The following ATG3 variants were observed in gnomAD, a reference collection of about 807,000 sequenced individuals.
The protein encoded by ATG3 is autophagy related 3, also known as ubiquitin-like-conjugating enzyme ATG3.
In ATG3, 25 loss-of-function variants were observed where a neutral mutation model predicts 50.7. The observed-to-expected ratio is 0.49, with a 90% CI of 0.36 to 0.69. The LOEUF (loss-of-function observed/expected upper bound fraction) is 0.69. Ranked by LOEUF, ATG3 falls within the 30% of genes least tolerant of loss-of-function variation. The probability of loss-of-function intolerance (pLI) is 0.00; values close to 1 mark genes in which losing one functional copy is unlikely to be tolerated. For synonymous variants in ATG3, 119 were observed against 125.5 expected, an observed-to-expected ratio of 0.95 and a Z score of 0.34; for missense variants, 281 against 376.0, an observed-to-expected ratio of 0.75 and a Z score of 2.09.
At chr3:112,553,163 G>T in intron 3 of ATG3, 117 bp downstream of exon 3, 1 of 817,654 alleles carries the variant, frequency 1.2e-6, no homozygotes, top group Non-Finnish European at 2.0e-6. Flanking sequence ...AGAATCTGCT[G>T]GGGGGAAAGT....
rs553534171 is a variant in ATG3 at position 112,561,612 on chromosome 3, G to A, written c.-84C>T. 1.4e-6 allele frequency: 2 copies of A among 1,381,068 alleles called. No individual in the cohort carries two copies. The highest frequency in any genetic ancestry group is 1.0e-6 in the Non-Finnish European group (1 of 1,004,712). 85.6% of individuals were successfully genotyped at this position (1,381,068 alleles called of 1,614,324 possible). On this transcript the variant is annotated 5_prime_UTR_variant, in exon 1 of 12. Coordinates refer to ENST00000283290, the MANE Select transcript of ATG3 (RefSeq NM_022488.5). The stretch of plus-strand genomic sequence containing the variant: ...GGCCAGGGAGTCAGAAAATGTCCTC[G>A]CTGCCACCGACTCGCATCAGCACCC...
At chr3:112,537,656 T>C in intron 9 of ATG3, 79 bp downstream of exon 9, 1 of 1,111,294 alleles carries the variant, frequency 9.0e-7, no homozygotes, top group Non-Finnish European at 1.2e-6. Flanking sequence ...CAATAAATAC[T>C]CATGGACCTA....
At chr3:112,536,068 C>T (rs1163605220) in intron 10 of ATG3, 1 of 167,172 alleles carries the variant, frequency 6.0e-6, no homozygotes, top group East Asian at 1.7e-4. Flanking sequence ...AAATAGGTCA[C>T]CTAGAAAAAT....
Position 112,561,637 on chromosome 3 carries a change from C to T in ATG3, c.-109G>A. ...GCTGCCACCGACTCGCATCAGCACC[C>T]GGCTGGCAGCACCCGAGGGGACGGG... On this transcript the variant is annotated 5_prime_UTR_variant, in exon 1 of 12. Coordinates refer to ENST00000283290, the MANE Select transcript of ATG3 (RefSeq NM_022488.5). 2 of 1,140,588 alleles carry T rather than the reference C, an allele frequency of 1.8e-6. No homozygotes were observed. Among genetic ancestry groups the T allele is most frequent in the Non-Finnish European group, 2.5e-6 (2 of 801,808 alleles). The allele number at this position is 1,140,588 out of a possible 1,614,324, so 70.7% of individuals were successfully genotyped here.
chr3:112,544,197 TCA>T, intron 5 of ATG3, 91 bp from the exon 6 acceptor site: 1 of 1,067,020 alleles, frequency 9.4e-7, no homozygotes, highest in South Asian at 1.5e-5. Context: ...CTGAAAATTC[TCA>T]CAATTTCTCT....
At chr3:112,542,131 T>TAC (rs1933250087) in intron 6 of ATG3, among the ~76,000 whole-genome samples, 1 of 143,884 alleles carries the variant, frequency 7.0e-6, no homozygotes, top group African/African-American at 2.8e-5. Flanking sequence ...ATCTAAGCTA[T>TAC]TTAAAAATAA....
chr3:112,549,139 T>G (rs1933456467), intron 4 of ATG3, among the ~76,000 whole-genome samples: 1 of 152,202 alleles, frequency 6.6e-6, no homozygotes, highest in Non-Finnish European at 1.5e-5. Context: ...TAAAACAGTT[T>G]AAAATTCACC....
rs2082565118 is a variant in ATG3, at chr3:112,532,753, T to C, written c.891A>G (p.Val297=). The change falls in exon 12 of 12, where the codon GTA becomes GTG. Residue 297 remains valine, a synonymous_variant. Coordinates refer to ENST00000283290, the MANE Select transcript of ATG3 (RefSeq NM_022488.5). Reference sequence around the variant, plus strand: ...ATTCTATTGTTGGAATGACAGCTTGTACAAATTTCAAGAAAATAAGAAGAT... The same window carrying C: ...ATTCTATTGTTGGAATGACAGCTTGCACAAATTTCAAGAAAATAAGAAGAT... ...HMYLLIFLKF[V]QAVIPTIEYD... 6.3e-7 allele frequency: 1 copy of C among 1,599,606 alleles called. No individual in the cohort carries two copies. Among genetic ancestry groups the C allele is most frequent in the African/African-American group, 1.3e-5 (1 of 74,578 alleles).
intron 5 of ATG3, among the ~76,000 whole-genome samples, chr3:112,547,119 TC>T (rs1933390187): frequency 6.6e-6 from 1 of 152,114 alleles, no homozygotes. Context: ...CAGCAATTTT[TC>T]CCCCAACAGA....
intron 5 of ATG3, among the ~76,000 whole-genome samples, chr3:112,544,658 G>GAGAAAAAAAAAAAA (rs1553738120): frequency 1.6e-5 from 1 of 64,100 alleles, no homozygotes; most frequent in African/African-American, 4.2e-5. Flanking sequence ...CCGTCTCAGG[G>GAGAAAAAAAAAAAA]AAAAAAAAAA....
chr3:112,548,763 T>G, intron 4 of ATG3, 123 bp from the exon 5 acceptor site: 1 of 758,500 alleles, frequency 1.3e-6, no homozygotes, highest in Non-Finnish European at 2.2e-6. Flanking sequence ...TAAGTGAATA[T>G]TTCACTTTTA....
At chr3:112,557,509 T>C (rs1013204728) in intron 2 of ATG3, among the ~76,000 whole-genome samples, 12 of 152,108 alleles carry the variant, frequency 7.9e-5, no homozygotes, top group African/African-American at 2.7e-4. Flanking sequence ...TCCCAGCTAC[T>C]TGGGAGGCTG....
Position 112,537,793 on chromosome 3 carries a change from T to C in ATG3, c.608A>G (p.Tyr203Cys). 1 of 1,611,926 alleles carries C rather than the reference T, an allele frequency of 6.2e-7. No individual in the cohort carries two copies. The highest frequency in any genetic ancestry group is 8.5e-7 in the Non-Finnish European group (1 of 1,179,350). Residue 203 changes from tyrosine (Y) to cysteine (C), a missense_variant, in exon 9 of 12, where the codon TAC (tyrosine) becomes TGC (cysteine). Transcript: ENST00000283290. Reference sequence around the variant, plus strand: ...CTGGTAATATTTATCATAAGTGATGTAAAGGTCATAAGTTCTGGTTTGCAA... The same window carrying C: ...CTGGTAATATTTATCATAAGTGATGCAAAGGTCATAAGTTCTGGTTTGCAA... ...AILQTRTYDL[Y>C]ITYDKYYQTP...
rs377190061 is a variant in ATG3 at position 112,561,172 on chromosome 3, C to A, written c.72+285G>T. 5.3e-5 allele frequency among the ~76,000 whole-genome samples: 8 copies of A among 152,300 alleles called. No homozygotes were observed. In the East Asian group the frequency reaches 1.5e-3, roughly 29 times the overall value. On this transcript the variant is annotated intron_variant, in intron 1 of 11. Transcript: ENST00000283290. ...ATTTAACGTTCTTCAATCTACTCAG[C>A]CTCCGAACACCCTTCCAACCCGACG...
intron 5 of ATG3, among the ~76,000 whole-genome samples, chr3:112,546,845 G>T (rs536094930): frequency 6.6e-6 from 1 of 152,256 alleles, no homozygotes; most frequent in South Asian, 2.1e-4. Context: ...TGGGGCGGGG[G>T]GAAAGAAGGA....
intron 4 of ATG3, among the ~76,000 whole-genome samples, 160 bp from the exon 5 acceptor site, chr3:112,548,800 C>T (rs1933443986): frequency 6.6e-6 from 1 of 152,208 alleles, no homozygotes; most frequent in African/African-American, 2.4e-5. Flanking sequence ...ACATTCAGCT[C>T]ATAGACACAT....
intron 5 of ATG3, among the ~76,000 whole-genome samples, chr3:112,545,486 C>A (rs907217650): frequency 6.6e-6 from 1 of 152,208 alleles, no homozygotes; most frequent in African/African-American, 2.4e-5. Context: ...GTCTGTTCAA[C>A]ATGCCTAAAC....
Position 112,538,160 on chromosome 3 carries a change from A to G in ATG3, c.496T>C (p.Leu166=). 2 of 1,585,684 alleles carry G rather than the reference A, an allele frequency of 1.3e-6. No homozygotes were observed. Among genetic ancestry groups the G allele is most frequent in the African/African-American group, 1.4e-5 (1 of 73,798 alleles). The change falls in exon 8 of 12, where the codon TTG becomes CTG. Residue 166 remains leucine (L), a synonymous_variant. Transcript: ENST00000283290. ...AATTTACAAACCTCATCTGTTTCCAACAATCCACTCTCTTCATATTCTGTT... is the reference window on the plus strand; with the variant it reads ...AATTTACAAACCTCATCTGTTTCCAGCAATCCACTCTCTTCATATTCTGTT... ...DMEEYEESGL[L]ETDEATLDTR...
In ATG3 at chr3:112,561,726, G is replaced by C; in HGVS notation, c.-198C>G. On this transcript the variant is annotated 5_prime_UTR_variant, in exon 1 of 12. Coordinates refer to ENST00000283290, the MANE Select transcript of ATG3 (RefSeq NM_022488.5). ...CGGCAGGCACAGCGCGCGAAGACGG[G>C]GTGCGCGATCCTCGCACCCCAGGCA... is the stretch of plus-strand genomic sequence containing the variant. The C allele has an allele frequency of 3.4e-6, 2 of 584,374 alleles. No individual in the cohort carries two copies. Among genetic ancestry groups the C allele is most frequent in the Non-Finnish European group, 5.8e-6 (2 of 342,636 alleles). 36.2% of individuals were successfully genotyped at this position (584,374 alleles called of 1,614,324 possible). A position where few individuals can be genotyped will look rare whatever the true frequency, so the allele number is the denominator to read the frequency against.
Sources: allele counts gnomAD v4.1 joint callset (sites outside exome capture counted in the v4.1 genomes callset), GRCh38; gene constraint gnomAD v4.1.1; transcripts MANE v1.5; gene names NCBI Gene and HGNC (gene_info 2026-07-23, HGNC 2026-07-21).